The following PPP2R2B variants were observed in gnomAD, a reference collection of about 807,000 sequenced individuals.
PPP2R2B encodes serine/threonine-protein phosphatase 2A 55 kDa regulatory subunit B beta isoform.
In PPP2R2B, 5 loss-of-function variants were observed where a neutral mutation model predicts 46.0. The ratio of observed to expected loss-of-function variants is 0.11; its 90% CI spans 0.06 to 0.23. The LOEUF (loss-of-function observed/expected upper bound fraction) is 0.23, where lower values mean the gene tolerates loss of function less well. Among genes scored for constraint, PPP2R2B ranks in the 10% least tolerant of loss-of-function variants. PPP2R2B has a pLI of 1.00. For missense variants in PPP2R2B, 367 were observed against 575.0 expected (o/e 0.64, Z 3.70); for synonymous variants, 215 against 206.7 (o/e 1.04, Z -0.34).
chr5:147,045,190 A>C (rs922465233), intron 1 of PPP2R2B, among the ~76,000 whole-genome samples: 4 of 152,204 alleles, frequency 2.6e-5, no homozygotes, highest in Non-Finnish European at 5.9e-5. Context: ...GTGACCACTT[A>C]TCTCTGTTTT....
At chr5:146,714,847 CCT>C (rs1780403614) in intron 2 of PPP2R2B, among the ~76,000 whole-genome samples, 2 of 151,978 alleles carry the variant, frequency 1.3e-5, no homozygotes, top group African/African-American at 4.8e-5. Flanking sequence ...TCTCCCCTGA[CCT>C]CACACCTCTT....
chr5:146,601,426 A>C lies in PPP2R2B; in HGVS notation c.791-966T>G, dbSNP rs143527214. 5.0e-4 allele frequency among the ~76,000 whole-genome samples: 76 copies of C among 152,220 alleles called. No homozygotes were observed. In the East Asian group the frequency reaches 0.014, roughly 27 times the overall value. ...AGCCTGGATAACATAGGAAGATTCT[A>C]TTGCTATAAAAAGTTAGCCAGGCAT... On this transcript the variant is annotated intron_variant, in intron 7 of 9. Transcript: ENST00000394411.
At chr5:146,639,402 T>C (rs1057423668) in intron 6 of PPP2R2B, among the ~76,000 whole-genome samples, 22 of 152,150 alleles carry the variant, frequency 1.4e-4, no homozygotes, top group African/African-American at 5.1e-4. Flanking sequence ...TCCTTGTATA[T>C]TGGAATGAAA....
chr5:147,034,136 T>C (rs1420752665), intron 1 of PPP2R2B, among the ~76,000 whole-genome samples: 2 of 152,184 alleles, frequency 1.3e-5, no homozygotes, highest in Admixed American at 1.3e-4. Flanking sequence ...TATGCTAACA[T>C]AGTAAGCTCA....
At chr5:146,685,198 TAGTG>T (rs113004867) in intron 5 of PPP2R2B, among the ~76,000 whole-genome samples, 15,618 of 152,176 alleles carry the variant, frequency 0.1, 909 homozygotes, top group East Asian at 0.17. Context: ...GTCCTAATAA[TAGTG>T]AGGAACAGGA....
intron 2 of PPP2R2B, among the ~76,000 whole-genome samples, chr5:146,779,017 C>T (rs757483917): frequency 6.6e-6 from 1 of 152,306 alleles, no homozygotes; most frequent in East Asian, 1.9e-4. Flanking sequence ...AGCTGGTTGA[C>T]ACAGCAAGCA....
intron 2 of PPP2R2B, among the ~76,000 whole-genome samples, chr5:146,824,097 G>A (rs1327705315): frequency 1.3e-5 from 2 of 152,186 alleles, no homozygotes; most frequent in Non-Finnish European, 2.9e-5. Context: ...TCTATCAGAT[G>A]TCACAGGAAG....
At chr5:146,754,590 A>T (rs1036772254) in intron 2 of PPP2R2B, among the ~76,000 whole-genome samples, 2 of 152,202 alleles carry the variant, frequency 1.3e-5, no homozygotes, top group Non-Finnish European at 2.9e-5. Context: ...ATTCATTTCT[A>T]GTGGACAGAA....
intron 2 of PPP2R2B, among the ~76,000 whole-genome samples, chr5:146,721,047 T>A (rs1780768923): frequency 6.6e-6 from 1 of 152,170 alleles, no homozygotes; most frequent in Non-Finnish European, 1.5e-5. Flanking sequence ...AAAAGTCAAT[T>A]AACCCACCAG....
At position 146,678,773 on chromosome 5, in the gene PPP2R2B, T is replaced by G. The variant is rs976696837; in HGVS notation, c.447+12355A>C. 5.3e-4 allele frequency among the ~76,000 whole-genome samples: 73 copies of G among 138,836 alleles called. 1 individual carries two copies. The East Asian group carries it at 0.014, about 26-fold the overall frequency. The allele number at this position is 138,836 out of a possible 152,430, so 91.1% of individuals were successfully genotyped here. On this transcript the variant is annotated intron_variant, in intron 5 of 9. Transcript: ENST00000394411. ...AACAGACAAACAGAGAGCCAAATCA[T>G]GAGTGAACTCCCATTCACAATTGCT... is the stretch of plus-strand genomic sequence containing the variant.
At chr5:147,012,711 G>A (rs1580801322) in intron 1 of PPP2R2B, among the ~76,000 whole-genome samples, 1 of 151,566 alleles carries the variant, frequency 6.6e-6, no homozygotes, top group East Asian at 1.9e-4. Flanking sequence ...TCTCTTGTGG[G>A]CATTTAGTGC....
chr5:146,792,890 G>C (rs1756297579), intron 2 of PPP2R2B, among the ~76,000 whole-genome samples: 1 of 152,122 alleles, frequency 6.6e-6, no homozygotes, highest in Non-Finnish European at 1.5e-5. Context: ...TTTACACTGG[G>C]TGAGGTGGGG....
chr5:147,021,271 AG>A (rs1755252121), intron 1 of PPP2R2B, among the ~76,000 whole-genome samples: 1 of 152,194 alleles, frequency 6.6e-6, no homozygotes, highest in Non-Finnish European at 1.5e-5. Context: ...GGGGTAAGAA[AG>A]GGGCACCCAA....
At chr5:147,000,867 C>T (rs545870221) in intron 1 of PPP2R2B, among the ~76,000 whole-genome samples, 35 of 152,178 alleles carry the variant, frequency 2.3e-4, no homozygotes, top group East Asian at 1.6e-3. Flanking sequence ...ATTTCTTCAA[C>T]GCCTAAGGGG....
rs554289309 is a variant in PPP2R2B at position 147,032,741 on chromosome 5, C to T, written c.79+22924G>A. On this transcript the variant is annotated intron_variant, in intron 1 of 8. Transcript: ENST00000336640. ...ATCTTATGTATATATACCACAGTTT[C>T]TTTATCCACTTGTTTATTGATGGGC... Among the ~76,000 whole-genome samples the T allele has an allele frequency of 3.9e-4, 60 of 152,266 alleles. No individual in the cohort carries two copies. In the South Asian group the frequency reaches 9.3e-3, roughly 24 times the overall value.
rs1561579145 is a variant in PPP2R2B, at chr5:147,017,236, G to T, written c.79+38429C>A. Among the ~76,000 whole-genome samples, 2 of 151,538 alleles carry T rather than the reference G, an allele frequency of 1.3e-5. 1 individual carries two copies. Among genetic ancestry groups the T allele is most frequent in the East Asian group, 4.2e-4 (2 of 4,778 alleles). On this transcript the variant is annotated intron_variant, in intron 1 of 8. Coordinates refer to the PPP2R2B transcript ENST00000336640. ...GGATTTGGTGATTGCTTTATGAATG[G>T]GTTTGGAGGGAGGAACCTGGGTTTC...
At chr5:147,002,471 T>C (rs1301949694) in intron 1 of PPP2R2B, among the ~76,000 whole-genome samples, 2 of 152,102 alleles carry the variant, frequency 1.3e-5, no homozygotes, top group East Asian at 1.9e-4. Context: ...TTATAGGAAA[T>C]GGATAAAGTC....
intron 5 of PPP2R2B, among the ~76,000 whole-genome samples, chr5:146,667,460 A>T (rs1035713894): frequency 6.6e-6 from 1 of 152,106 alleles, no homozygotes; most frequent in Non-Finnish European, 1.5e-5. Context: ...TAGAATAAAA[A>T]GATGCCAAGC....
chr5:146,839,379 G>A (rs655372), intron 2 of PPP2R2B, among the ~76,000 whole-genome samples: 2,614 of 152,184 alleles, frequency 0.017, 58 homozygotes, highest in African/African-American at 0.059. Flanking sequence ...AATTAGCCGG[G>A]CATGGTGGCA....
Sources: allele counts gnomAD v4.1 joint callset (sites outside exome capture counted in the v4.1 genomes callset), GRCh38; gene constraint gnomAD v4.1.1; transcripts MANE v1.5; gene names NCBI Gene and HGNC (gene_info 2026-07-23, HGNC 2026-07-21).